Variants in QNG1 observed in about 807,000 individuals in gnomAD.
QNG1 encodes the protein queuosine 5'-phosphate N-glycosylase/hydrolase.
the QNG1 span, among the ~76,000 whole-genome samples, chr9:83,943,818 G>A: frequency 1.3e-5 from 2 of 150,742 alleles, no homozygotes; most frequent in Admixed American, 6.6e-5. Flanking sequence ...TCAGGAGATC[G>A]AGACCATCCT....
the QNG1 span, among the ~76,000 whole-genome samples, chr9:83,940,510 G>A: frequency 6.6e-6 from 1 of 152,098 alleles, no homozygotes; most frequent in African/African-American, 2.4e-5. Flanking sequence ...GGCACTGGCT[G>A]TGTCTTACCA....
At chr9:83,956,280 A>G in the QNG1 span, 2 of 1,614,158 alleles carry the variant, frequency 1.2e-6, no homozygotes, top group Non-Finnish European at 1.7e-6. Context: ...GGAGAAGTTG[A>G]GCGTGTCTGT....
the QNG1 span, among the ~76,000 whole-genome samples, chr9:83,943,286 G>A: frequency 5.0e-5 from 7 of 138,774 alleles, no homozygotes; most frequent in South Asian, 2.2e-4. Context: ...GTTCTGGTGA[G>A]CCGAGATCAC....
At chr9:83,951,994 T>G in the QNG1 span, among the ~76,000 whole-genome samples, 1 of 152,172 alleles carries the variant, frequency 6.6e-6, no homozygotes, top group Non-Finnish European at 1.5e-5. Context: ...TTATTTTTAT[T>G]TATTTATTTT....
At chr9:83,949,085 CAATAAATACTAAAA>C in the QNG1 span, among the ~76,000 whole-genome samples, 1 of 143,766 alleles carries the variant, frequency 7.0e-6, no homozygotes, top group East Asian at 2.0e-4. Flanking sequence ...CAAGAATGAT[CAATAAATACTAAAA>C]AAAAAAAAAA....
chr9:83,947,133 CAT>C, the QNG1 span, among the ~76,000 whole-genome samples: 1 of 152,152 alleles, frequency 6.6e-6, no homozygotes, highest in South Asian at 2.1e-4. Flanking sequence ...TATGGAAAAA[CAT>C]AGATAATTAC....
the QNG1 span, chr9:83,956,590 A>C: frequency 1.8e-6 from 2 of 1,104,096 alleles, no homozygotes; most frequent in Non-Finnish European, 2.6e-6. Flanking sequence ...GAACCGCGCG[A>C]TCACAGGGCC....
At chr9:83,955,095 A>T in the QNG1 span, among the ~76,000 whole-genome samples, 6 of 151,730 alleles carry the variant, frequency 4.0e-5, no homozygotes, top group Non-Finnish European at 7.4e-5. Context: ...GCTACTCGGG[A>T]GGCTGAGGCA....
the QNG1 span, chr9:83,956,479 T>A: frequency 6.6e-7 from 1 of 1,526,370 alleles, no homozygotes; most frequent in Non-Finnish European, 8.8e-7. Flanking sequence ...GAGGATTCCC[T>A]GGGATTTAGG....
the QNG1 span, chr9:83,939,841 C>G: frequency 7.9e-6 from 6 of 763,514 alleles, no homozygotes; most frequent in Non-Finnish European, 1.3e-5. Context: ...AAATGGTACT[C>G]ATTTTAAAAC....
chr9:83,955,934 C>T, the QNG1 span, among the ~76,000 whole-genome samples: 1 of 152,324 alleles, frequency 6.6e-6, no homozygotes, highest in South Asian at 2.1e-4. Context: ...ATAAAACTGA[C>T]TTTTATGCTA....
At chr9:83,938,466 A>G in the QNG1 span, 6 of 152,156 alleles carry the variant, frequency 3.9e-5, no homozygotes, top group Admixed American at 2.0e-4. Flanking sequence ...TGATTTTTAC[A>G]AGAACAGCAT....
the QNG1 span, among the ~76,000 whole-genome samples, chr9:83,947,935 C>G: frequency 1.3e-5 from 2 of 152,216 alleles, no homozygotes; most frequent in Non-Finnish European, 1.5e-5. Flanking sequence ...CGGCCGCCAC[C>G]CCGTATGGGA....
chr9:83,955,259 G>T, the QNG1 span: 1 of 1,003,834 alleles, frequency 1.0e-6, no homozygotes, highest in Non-Finnish European at 1.4e-6. Context: ...GATTTTGTTA[G>T]TTTCTTCCAC....
the QNG1 span, among the ~76,000 whole-genome samples, chr9:83,941,586 G>A: frequency 5.9e-5 from 9 of 152,082 alleles, no homozygotes; most frequent in African/African-American, 1.9e-4. Context: ...GTAAGACCCT[G>A]TTTCTAAACA....
At chr9:83,951,517 C>A in the QNG1 span, among the ~76,000 whole-genome samples, 3 of 152,050 alleles carry the variant, frequency 2.0e-5, no homozygotes, top group African/African-American at 7.2e-5. Context: ...GCCGAGATTG[C>A]GCCATTGCAC....
At chr9:83,952,829 G>A in the QNG1 span, among the ~76,000 whole-genome samples, 1 of 150,592 alleles carries the variant, frequency 6.6e-6, no homozygotes, top group Non-Finnish European at 1.5e-5. Context: ...TTAGCTGTGC[G>A]TGGTAGTGGG....
the QNG1 span, among the ~76,000 whole-genome samples, chr9:83,943,327 G>A: frequency 1.1e-5 from 1 of 89,500 alleles, no homozygotes; most frequent in Non-Finnish European, 1.9e-5. Flanking sequence ...GCAACAGAGC[G>A]TCTCAAAAAA....
the QNG1 span, chr9:83,956,448 C>G: frequency 6.5e-7 from 1 of 1,542,774 alleles, no homozygotes; most frequent in Non-Finnish European, 8.7e-7. Context: ...CACATCCCGA[C>G]TGTTTTCTGC....
Sources: gnomAD v4.1 joint callset for allele counts (sites outside exome capture counted in the v4.1 genomes callset) on GRCh38, gnomAD v4.1.1 for gene constraint, MANE v1.5 for transcripts, NCBI Gene and HGNC (gene_info 2026-07-23, HGNC 2026-07-21) for gene names.